CSMD3: variants seen among roughly 807,000 people sequenced by gnomAD.
The protein encoded by CSMD3 is CUB and Sushi multiple domains 3, also known as CUB and sushi domain-containing protein 3.
CSMD3 carries 177 observed loss-of-function variants against 435.2 expected under a neutral mutation model. The ratio of observed to expected loss-of-function variants is 0.41; its 90% CI spans 0.36 to 0.46. The LOEUF is 0.46. CSMD3 is among the 20% of genes least tolerant of loss of function. The pLI, the probability that CSMD3 is intolerant of heterozygous loss-of-function variation, is 0.34. For missense variants in CSMD3, 4,265 were observed against 4,504.6 expected, an observed-to-expected ratio of 0.95 and a Z score of 1.52; for synonymous variants, 1,656 against 1,520.5, an observed-to-expected ratio of 1.09 and a Z score of -2.07.
At chr8:113,005,929 T>G (rs2131096194) in intron 6 of CSMD3, among the ~76,000 whole-genome samples, 1 of 152,172 alleles carries the variant, frequency 6.6e-6, no homozygotes, top group Admixed American at 6.6e-5. Flanking sequence ...ACAAAAAATT[T>G]TTCCAAACTG....
At chr8:113,202,003 C>T (rs1179764140) in intron 3 of CSMD3, among the ~76,000 whole-genome samples, 1 of 152,028 alleles carries the variant, frequency 6.6e-6, no homozygotes, top group African/African-American at 2.4e-5. Context: ...GTTACTAAAA[C>T]AGAGCCACAA....
chr8:113,119,504 G>A (rs1316010620), intron 4 of CSMD3, among the ~76,000 whole-genome samples: 4 of 152,142 alleles, frequency 2.6e-5, no homozygotes, highest in Admixed American at 6.6e-5. Context: ...AGTTTGAGAT[G>A]TTAAAAACAT....
Position 112,923,626 on chromosome 8 carries a change from C to T in CSMD3, c.1509-1875G>A, listed in dbSNP as rs767057139. On this transcript the variant is annotated intron_variant, in intron 9 of 70. Coordinates refer to ENST00000297405, the MANE Select transcript of CSMD3 (RefSeq NM_198123.2). ...CTTACTGCTCTGTGTAAAACAGCTA[C>T]GCCTATTCCATTATCTTCTTCCATG... Among the ~76,000 whole-genome samples the T allele has an allele frequency of 4.6e-5, 7 of 152,208 alleles. No homozygotes were observed. In the East Asian group the frequency reaches 9.7e-4, roughly 21 times the overall value.
intron 3 of CSMD3, among the ~76,000 whole-genome samples, chr8:113,207,466 T>C (rs1452142956): frequency 6.6e-6 from 1 of 151,118 alleles, no homozygotes; most frequent in Non-Finnish European, 1.5e-5. Flanking sequence ...ACTGCAAAAC[T>C]CAGCCTCCCA....
intron 1 of CSMD3, among the ~76,000 whole-genome samples, chr8:113,392,975 GTA>G (rs1002306637): frequency 2.2e-4 from 33 of 149,794 alleles, no homozygotes; most frequent in South Asian, 4.2e-4. Flanking sequence ...GTGTGTGTGT[GTA>G]TATACATATG....
chr8:112,739,313 T>G (rs907316395), intron 13 of CSMD3, among the ~76,000 whole-genome samples: 1 of 151,746 alleles, frequency 6.6e-6, no homozygotes, highest in Admixed American at 6.6e-5. Context: ...TATTCTTCCA[T>G]AAGAAATGCA....
At chr8:112,346,720 C>T (rs1406591398) in intron 40 of CSMD3, among the ~76,000 whole-genome samples, 1 of 126,168 alleles carries the variant, frequency 7.9e-6, no homozygotes, top group East Asian at 2.4e-4. Flanking sequence ...TCTCTGTCAC[C>T]CAGGCTGGAG....
At chr8:112,948,005 A>G in intron 8 of CSMD3, 128 bp from the exon 9 acceptor site, 1 of 576,068 alleles carries the variant, frequency 1.7e-6, no homozygotes, top group Admixed American at 2.9e-5. Context: ...TCATTTAAGC[A>G]TTTGTTAAAC....
chr8:112,643,886 A>G (rs2074905073), intron 20 of CSMD3, among the ~76,000 whole-genome samples: 1 of 152,106 alleles, frequency 6.6e-6, no homozygotes, highest in African/African-American at 2.4e-5. Context: ...ATTTAATCAA[A>G]GGCAAACTTT....
chr8:113,061,105 C>T (rs903261961), intron 5 of CSMD3, among the ~76,000 whole-genome samples: 3 of 152,048 alleles, frequency 2.0e-5, no homozygotes, highest in Non-Finnish European at 4.4e-5. Context: ...AACATACCCA[C>T]CTCTTGTCTT....
At chr8:112,981,739 T>G (rs542646708) in intron 6 of CSMD3, among the ~76,000 whole-genome samples, 1 of 151,716 alleles carries the variant, frequency 6.6e-6, no homozygotes, top group African/African-American at 2.4e-5. Context: ...ATATGCAAGA[T>G]AAGGATCTCA....
intron 38 of CSMD3, among the ~76,000 whole-genome samples, chr8:112,364,315 T>C (rs1032614753): frequency 6.6e-6 from 1 of 151,952 alleles, no homozygotes; most frequent in Non-Finnish European, 1.5e-5. Flanking sequence ...TCATGAGTGC[T>C]CTTAGGTGTA....
chr8:113,245,566 A>G (rs2132267945), intron 3 of CSMD3, among the ~76,000 whole-genome samples: 1 of 152,150 alleles, frequency 6.6e-6, no homozygotes, highest in African/African-American at 2.4e-5. Context: ...TGTTATTGTA[A>G]TATAAATGAC....
chr8:113,095,109 C>T (rs1200652340), intron 5 of CSMD3, among the ~76,000 whole-genome samples: 1 of 151,922 alleles, frequency 6.6e-6, no homozygotes, highest in Admixed American at 6.6e-5. Flanking sequence ...AAACTACGTG[C>T]ATCTATTATG....
chr8:113,152,770 G>A (rs2091838687), intron 4 of CSMD3, among the ~76,000 whole-genome samples: 1 of 151,842 alleles, frequency 6.6e-6, no homozygotes, highest in Non-Finnish European at 1.5e-5. Flanking sequence ...CTTGAGGCCA[G>A]GAGTTTGAAA....
chr8:112,550,978 G>T (rs1827631142), intron 26 of CSMD3, 105 bp from the exon 27 acceptor site: 6 of 772,938 alleles, frequency 7.8e-6, no homozygotes, highest in South Asian at 1.5e-5. Flanking sequence ...GTTCTTTTTT[G>T]CTATGTGTTA....
intron 43 of CSMD3, among the ~76,000 whole-genome samples, 157 bp from the exon 44 acceptor site, chr8:112,336,986 T>G (rs1437658624): frequency 6.6e-6 from 1 of 152,190 alleles, no homozygotes; most frequent in Non-Finnish European, 1.5e-5. Flanking sequence ...TTGGCAACAG[T>G]GCACAAAATA....
chr8:113,357,691 T>A (rs1227206849), intron 1 of CSMD3, among the ~76,000 whole-genome samples: 2 of 152,140 alleles, frequency 1.3e-5, no homozygotes, highest in Non-Finnish European at 2.9e-5. Context: ...AAAATTACAA[T>A]TGGGGGAGGG....
intron 2 of CSMD3, among the ~76,000 whole-genome samples, chr8:113,296,450 G>C (rs1054018972): frequency 1.3e-5 from 2 of 151,982 alleles, no homozygotes; most frequent in African/African-American, 4.8e-5. Flanking sequence ...CTTGAACCCA[G>C]GAGGCAGAGG....
Sources: allele counts gnomAD v4.1 joint callset (sites outside exome capture counted in the v4.1 genomes callset), GRCh38; gene constraint gnomAD v4.1.1; transcripts MANE v1.5; gene names NCBI Gene and HGNC (gene_info 2026-07-23, HGNC 2026-07-21).